Variants in NCOR2 observed in about 807,000 individuals in gnomAD.
NCOR2 encodes the protein CTG repeat protein 26.
In NCOR2, 81 loss-of-function variants were observed where a neutral mutation model predicts 262.9. That is an observed-to-expected ratio of 0.31 (90% CI 0.26 to 0.37). NCOR2 has a LOEUF of 0.37. NCOR2 is among the 10% of genes least tolerant of loss of function. The pLI is 1.00. For missense variants in NCOR2, 3,385 were observed against 3,621.4 expected (o/e 0.93, Z 1.68); for synonymous variants, 1,659 against 1,559.3 (o/e 1.06, Z -1.51).
At position 124,432,334 on chromosome 12, in the gene NCOR2, C is replaced by T. The variant is rs964842456; in HGVS notation, c.883-1547G>A. 6.6e-5 allele frequency among the ~76,000 whole-genome samples: 10 copies of T among 152,342 alleles called. No homozygotes were observed. Among genetic ancestry groups the T allele is most frequent in the South Asian group, 2.1e-4 (1 of 4,830 alleles). On this transcript the variant is annotated intron_variant, in intron 8 of 46. Coordinates refer to ENST00000405201, the Ensembl canonical transcript of NCOR2. The surrounding 1 kb of genome is among the most constrained non-coding windows in gnomAD (Gnocchi z 5.1). ...AACCCACAGACTTCCCCTGAGGACA[C>T]GGTCACCTCCCTTCCTGGTGAACCG...
intron 16 of NCOR2, among the ~76,000 whole-genome samples, chr12:124,395,808 C>T (rs1340650599): frequency 1.3e-5 from 2 of 152,056 alleles, no homozygotes; most frequent in Non-Finnish European, 2.9e-5. Flanking sequence ...CACGCGGAGT[C>T]CTCCGATGGG....
chr12:124,382,897 A>G (rs1052587810), intron 17 of NCOR2, among the ~76,000 whole-genome samples: 48 of 152,190 alleles, frequency 3.2e-4, no homozygotes, highest in African/African-American at 1.1e-3. Context: ...CCCATTTTAC[A>G]GAGGTGGAAA....
At chr12:124,352,038 A>C (rs2135898497) in intron 27 of NCOR2, among the ~76,000 whole-genome samples, 1 of 152,186 alleles carries the variant, frequency 6.6e-6, no homozygotes, top group East Asian at 1.9e-4. Flanking sequence ...AATTCTGATG[A>C]GCTCCCCCCA....
rs1228256891 is a variant in NCOR2, at chr12:124,443,357, CAG to C, written c.816-5363_816-5362del. 2.0e-5 allele frequency among the ~76,000 whole-genome samples: 3 copies of C among 152,184 alleles called. 1 individual carries two copies. Among genetic ancestry groups the C allele is most frequent in the Admixed American group, 2.0e-4 (3 of 15,280 alleles). On this transcript the variant is annotated intron_variant, in intron 7 of 46. Coordinates refer to ENST00000405201, the Ensembl canonical transcript of NCOR2. This position sits in a 1 kb window ranked among gnomAD's most constrained non-coding sequence, Gnocchi z 4.4. The stretch of plus-strand genomic sequence containing the variant: ...CAAAGCAAGGACACTGCCTGCCACC[CAG>C]AGACATCCACGTACCACGCAAGAGG...
chr12:124,457,938 C>A lies in NCOR2; in HGVS notation c.706-776G>T, dbSNP rs1033716322. On this transcript the variant is annotated intron_variant, in intron 5 of 46. Transcript: ENST00000405201. The surrounding 1 kb of genome is among the most constrained non-coding windows in gnomAD (Gnocchi z 4.0). ...CAGCCGGGTACAGGGAGGTGGGGGGCGGAGGGGCTCCTGAAGGTGGCTTCA... is the reference window on the plus strand; with the variant it reads ...CAGCCGGGTACAGGGAGGTGGGGGGAGGAGGGGCTCCTGAAGGTGGCTTCA... Among the ~76,000 whole-genome samples the A allele has an allele frequency of 1.3e-5, 2 of 152,032 alleles. No individual in the cohort carries two copies. Among genetic ancestry groups the A allele is most frequent in the East Asian group, 3.9e-4 (2 of 5,176 alleles).
Position 124,355,658 on chromosome 12 carries a change from C to T in NCOR2, c.3242-87G>A, listed in dbSNP as rs1183322739. 10 of 1,449,050 alleles carry T rather than the reference C, an allele frequency of 6.9e-6. No homozygotes were observed. In the African/African-American group the frequency reaches 1.1e-4, roughly 17 times the overall value. 89.8% of individuals were successfully genotyped at this position (1,449,050 alleles called of 1,614,324 possible). On this transcript the variant is annotated intron_variant, in intron 23 of 46. Coordinates refer to ENST00000405201, the Ensembl canonical transcript of NCOR2. The stretch of plus-strand genomic sequence containing the variant: ...CACTCCAGGCTGCACTCCACCTCTT[C>T]CCTGTCCTGGCCAGGAAGTGCCCAT...
chr12:124,545,435 T>C (rs2051510258), intron 1 of NCOR2, among the ~76,000 whole-genome samples: 3 of 151,526 alleles, frequency 2.0e-5, no homozygotes, highest in Non-Finnish European at 4.4e-5. Context: ...GAGGCACAGG[T>C]TTCCCCATGG....
chr12:124,368,827 G>C (rs2039244335), intron 20 of NCOR2, among the ~76,000 whole-genome samples: 1 of 152,260 alleles, frequency 6.6e-6, no homozygotes, highest in African/African-American at 2.4e-5. Context: ...TAGAATGTAA[G>C]TGCCTGGAGT....
intron 1 of NCOR2, among the ~76,000 whole-genome samples, chr12:124,494,158 T>A (rs567225030): frequency 7.9e-5 from 12 of 152,020 alleles, no homozygotes; most frequent in African/African-American, 2.9e-4. Context: ...GATGGAAACG[T>A]CCTCCCACAC....
rs578039438 is a variant in NCOR2 at position 124,362,205 on chromosome 12, C to T, written c.3021G>A (p.Pro1007=). 3.7e-5 allele frequency: 48 copies of T among 1,310,730 alleles called. No homozygotes were observed. The Middle Eastern group carries it at 9.1e-4, about 25-fold the overall frequency. 81.2% of individuals were successfully genotyped at this position (1,310,730 alleles called of 1,614,324 possible). The change falls in exon 22 of 47, where the codon CCG becomes CCA. Residue 1007 remains proline (P), a synonymous_variant. Coordinates refer to ENST00000405201, the Ensembl canonical transcript of NCOR2. ...CAGGCTGCTGAGGGGCGTCGCTCTC[C>T]GGCTGCAGGTTTTGCGGTGGCGGTG...
chr12:124,493,969 C>T (rs1316852374), intron 1 of NCOR2, among the ~76,000 whole-genome samples: 2 of 152,130 alleles, frequency 1.3e-5, no homozygotes, highest in African/African-American at 2.4e-5. Context: ...ACAGGGCCGC[C>T]CAGGAGAATG....
chr12:124,556,850 C>CAAA (rs11309290), intron 1 of NCOR2, among the ~76,000 whole-genome samples: 10 of 128,934 alleles, frequency 7.8e-5, no homozygotes, highest in African/African-American at 2.5e-4. Context: ...CTCTTTGTCT[C>CAAA]AAAAAAAAAA....
intron 6 of NCOR2, among the ~76,000 whole-genome samples, chr12:124,453,159 T>C (rs1299876007): frequency 6.6e-6 from 1 of 152,058 alleles, no homozygotes; most frequent in African/African-American, 2.4e-5. Context: ...ATCCCCCTCA[T>C]CCTCTGCAGA....
intron 1 of NCOR2, among the ~76,000 whole-genome samples, chr12:124,553,449 C>A (rs571526605): frequency 6.6e-6 from 1 of 152,316 alleles, no homozygotes; most frequent in South Asian, 2.1e-4. Context: ...AGGGAACTCC[C>A]AAGGCCCCAC....
intron 1 of NCOR2, among the ~76,000 whole-genome samples, chr12:124,533,261 A>G (rs1228845934): frequency 6.6e-6 from 1 of 151,852 alleles, no homozygotes; most frequent in Non-Finnish European, 1.5e-5. Context: ...TCCTCCAGGA[A>G]AACTCCCCCG....
At chr12:124,348,376 G>C in intron 28 of NCOR2, 62 bp from the exon 31 acceptor site, 1 of 1,529,068 alleles carries the variant, frequency 6.5e-7, no homozygotes, top group Admixed American at 2.0e-5. Context: ...ACGGTGGGCA[G>C]GCAGGACAGG....
rs2044013918 is a variant in NCOR2 at position 124,432,419 on chromosome 12, G to A, written c.883-1632C>T. On this transcript the variant is annotated intron_variant, in intron 8 of 46. Transcript: ENST00000405201. This position sits in a 1 kb window ranked among gnomAD's most constrained non-coding sequence, Gnocchi z 5.1. ...GTCCCAAATGGAAGCCACCCACCAT[G>A]TGTGGCTCAACTGAAATCACAAATC... is the stretch of plus-strand genomic sequence containing the variant. Among the ~76,000 whole-genome samples the A allele has an allele frequency of 6.6e-6, 1 of 152,142 alleles. No homozygotes were observed. Among genetic ancestry groups the A allele is most frequent in the African/African-American group, 2.4e-5 (1 of 41,428 alleles).
intron 13 of NCOR2, among the ~76,000 whole-genome samples, chr12:124,409,998 A>G (rs2042479746): frequency 6.6e-6 from 1 of 151,692 alleles, no homozygotes; most frequent in African/African-American, 2.4e-5. Context: ...TGTCTTGTCC[A>G]CGAGGGAATC....
intron 3 of NCOR2, among the ~76,000 whole-genome samples, chr12:124,476,720 G>A (rs924452576): frequency 6.6e-6 from 1 of 152,126 alleles, no homozygotes; most frequent in Non-Finnish European, 1.5e-5. Context: ...TTAAGTTCGG[G>A]TTTAGCTTTT....
Sources: allele counts gnomAD v4.1 joint callset (sites outside exome capture counted in the v4.1 genomes callset), GRCh38; gene constraint gnomAD v4.1.1; non-coding constraint Gnocchi (gnomAD v3.1); transcripts MANE v1.5; gene names NCBI Gene and HGNC (gene_info 2026-07-23, HGNC 2026-07-21).